Variants in TBC1D22A observed in about 807,000 individuals in gnomAD.
TBC1D22A encodes the protein TBC1 domain family member 22A.
TBC1D22A carries 38 observed loss-of-function variants against 60.2 expected under a neutral mutation model. The ratio of observed to expected loss-of-function variants is 0.63; its 90% CI spans 0.49 to 0.83. The LOEUF (loss-of-function observed/expected upper bound fraction) is 0.83. Among genes scored for constraint, TBC1D22A ranks in the 40% least tolerant of loss-of-function variants. TBC1D22A has a pLI of 0.00. For missense variants in TBC1D22A, 628 were observed against 701.0 expected (o/e 0.90, Z 1.18); for synonymous variants, 302 against 281.7 (o/e 1.07, Z -0.72).
At chr22:46,986,792 CCTCTGA>C (rs1201331192) in intron 9 of TBC1D22A, among the ~76,000 whole-genome samples, 1 of 152,172 alleles carries the variant, frequency 6.6e-6, no homozygotes, top group African/African-American at 2.4e-5. Context: ...ACTCCCAAAC[CCTCTGA>C]CTGGAGGCAG....
At chr22:46,941,416 G>T (rs1205988277) in intron 8 of TBC1D22A, among the ~76,000 whole-genome samples, 1 of 61,652 alleles carries the variant, frequency 1.6e-5, no homozygotes, top group African/African-American at 9.3e-5. Context: ...ATATATATAC[G>T]GAATATACAC....
Position 46,834,104 on chromosome 22 carries a change from A to G in TBC1D22A, c.637+36484A>G, listed in dbSNP as rs550773730. 2.0e-5 allele frequency among the ~76,000 whole-genome samples: 3 copies of G among 152,318 alleles called. No homozygotes were observed. In the East Asian group the frequency reaches 5.8e-4, roughly 29 times the overall value. ...TAGCCTCTGAAGTAGACTCAACCCC[A>G]GCCAAAAGGAGCAGGTGCAAAGCTC... is the stretch of plus-strand genomic sequence containing the variant. On this transcript the variant is annotated intron_variant, in intron 4 of 12. Transcript: ENST00000337137.
intron 12 of TBC1D22A, among the ~76,000 whole-genome samples, chr22:47,164,800 C>G (rs1387507487): frequency 6.6e-6 from 1 of 152,240 alleles, no homozygotes; most frequent in Non-Finnish European, 1.5e-5. Context: ...TGGTCCCATT[C>G]CTTCCTCTGC....
chr22:46,820,179 C>A (rs907607446), intron 4 of TBC1D22A, among the ~76,000 whole-genome samples: 12 of 151,926 alleles, frequency 7.9e-5, no homozygotes, highest in Non-Finnish European at 1.5e-4. Flanking sequence ...TTTTCAATAA[C>A]CCAGCTCCTG....
In TBC1D22A at chr22:46,997,769, C is replaced by T. The variant is rs902433085; in HGVS notation, c.1201+60C>T. The T allele has an allele frequency of 1.1e-5, 17 of 1,513,910 alleles. 1 individual carries two copies. Among genetic ancestry groups the T allele is most frequent in the South Asian group, 4.5e-5 (4 of 88,698 alleles). 93.8% of individuals were successfully genotyped at this position (1,513,910 alleles called of 1,614,324 possible). A position where few individuals can be genotyped will look rare whatever the true frequency, so the allele number is the denominator to read the frequency against. On this transcript the variant is annotated intron_variant, in intron 10 of 12. Coordinates refer to ENST00000337137, the MANE Select transcript of TBC1D22A (RefSeq NM_014346.5). ...GCGGGGGGAGGTGGCCCTCAGCCCT[C>T]GGTGGGACAGGGAGCTGTCCTCATC...
intron 8 of TBC1D22A, among the ~76,000 whole-genome samples, chr22:46,921,072 C>A (rs1480195021): frequency 1.3e-5 from 2 of 152,056 alleles, no homozygotes; most frequent in Admixed American, 6.5e-5. Flanking sequence ...TGCCCGGCTA[C>A]TATGTTGTTA....
chr22:46,857,551 T>A (rs970449448), intron 4 of TBC1D22A, among the ~76,000 whole-genome samples: 7 of 152,184 alleles, frequency 4.6e-5, no homozygotes, highest in Non-Finnish European at 7.3e-5. Context: ...AATTCAGTGG[T>A]TTTTAGTGTG....
At chr22:47,006,958 C>T (rs1274532805) in intron 10 of TBC1D22A, among the ~76,000 whole-genome samples, 4 of 152,166 alleles carry the variant, frequency 2.6e-5, no homozygotes, top group Non-Finnish European at 4.4e-5. Flanking sequence ...GCTTGGGCTT[C>T]AGAGAGCTTG....
chr22:46,767,597 A>G (rs1242655321), intron 1 of TBC1D22A, among the ~76,000 whole-genome samples: 2 of 152,192 alleles, frequency 1.3e-5, no homozygotes. Context: ...GCTCAGTTAA[A>G]TGGAGTTAAC....
chr22:47,120,703 A>C (rs2066241685), intron 12 of TBC1D22A, among the ~76,000 whole-genome samples: 1 of 152,258 alleles, frequency 6.6e-6, no homozygotes. Flanking sequence ...TTGTAGGTTC[A>C]TGCTTGCCTG....
intron 8 of TBC1D22A, among the ~76,000 whole-genome samples, chr22:46,968,506 CGGTCCTG>C (rs2073915107): frequency 6.7e-6 from 1 of 148,452 alleles, no homozygotes; most frequent in African/African-American, 2.5e-5. Flanking sequence ...GCGTGGCCGG[CGGTCCTG>C]AGTGGGCAGG....
At chr22:46,934,863 C>A in intron 8 of TBC1D22A, among the ~76,000 whole-genome samples, 2 of 152,298 alleles carry the variant, frequency 1.3e-5, no homozygotes, top group South Asian at 4.1e-4. Context: ...CCTCCCTGGG[C>A]TCAGGGGCCA....
intron 8 of TBC1D22A, among the ~76,000 whole-genome samples, chr22:46,954,886 A>G (rs1036966128): frequency 4.3e-4 from 65 of 152,252 alleles, no homozygotes; most frequent in African/African-American, 1.3e-3. Context: ...GAATATTTCA[A>G]GGAGGAATTT....
chr22:47,119,894 G>T (rs112098483), intron 12 of TBC1D22A, among the ~76,000 whole-genome samples: 2 of 152,176 alleles, frequency 1.3e-5, no homozygotes, highest in African/African-American at 4.8e-5. Context: ...TGTCCAGGGC[G>T]CCTCGTTACT....
At chr22:47,065,448 A>G (rs995324102) in intron 11 of TBC1D22A, among the ~76,000 whole-genome samples, 1 of 152,200 alleles carries the variant, frequency 6.6e-6, no homozygotes, top group Non-Finnish European at 1.5e-5. Context: ...TCCACGGGGC[A>G]GGGCTCACGA....
chr22:47,109,210 C>G (rs559017472), intron 11 of TBC1D22A, among the ~76,000 whole-genome samples: 113 of 152,262 alleles, frequency 7.4e-4, no homozygotes, highest in African/African-American at 2.6e-3. Context: ...TTTGTATGCT[C>G]CTGATAACAT....
At chr22:46,947,081 G>T (rs2147984534) in intron 8 of TBC1D22A, among the ~76,000 whole-genome samples, 1 of 152,276 alleles carries the variant, frequency 6.6e-6, no homozygotes, top group Non-Finnish European at 1.5e-5. Context: ...GCCTCCCCAG[G>T]CCACACCGTT....
chr22:46,962,887 C>T (rs528914265), intron 8 of TBC1D22A, among the ~76,000 whole-genome samples: 1 of 152,158 alleles, frequency 6.6e-6, no homozygotes, highest in Admixed American at 6.5e-5. Flanking sequence ...TTGTGAGTTC[C>T]TAAAATTTTT....
intron 4 of TBC1D22A, among the ~76,000 whole-genome samples, chr22:46,849,109 C>T (rs539485974): frequency 2.0e-5 from 3 of 152,288 alleles, no homozygotes; most frequent in East Asian, 1.9e-4. Flanking sequence ...ATTTGTGTGA[C>T]GCTCTAGGCA....
Sources: gnomAD v4.1 joint callset for allele counts (sites outside exome capture counted in the v4.1 genomes callset) on GRCh38, gnomAD v4.1.1 for gene constraint, MANE v1.5 for transcripts, NCBI Gene and HGNC (gene_info 2026-07-23, HGNC 2026-07-21) for gene names.